The following MPDZ variants were observed in gnomAD, a reference collection of about 807,000 sequenced individuals.
MPDZ encodes multiple PDZ domain crumbs cell polarity complex component, also known as multiple PDZ domain protein.
MPDZ carries 234 observed loss-of-function variants against 239.1 expected under a neutral mutation model. The ratio of observed to expected loss-of-function variants is 0.98; its 90% confidence interval spans 0.88 to 1.09. The LOEUF is 1.09. Among genes scored for constraint, MPDZ ranks in the 50% least tolerant of loss-of-function variants. MPDZ has a pLI of 0.00. For missense variants in MPDZ, 3,175 were observed against 2,510.0 expected (o/e 1.26, Z -5.66); for synonymous variants, 1,048 against 881.3 (o/e 1.19, Z -3.35).
intron 32 of MPDZ, among the ~76,000 whole-genome samples, chr9:13,131,239 C>T (rs1945955533): frequency 6.6e-6 from 1 of 152,188 alleles, no homozygotes; most frequent in East Asian, 1.9e-4. Context: ...TAATATGTCA[C>T]TCAACATCAT....
At chr9:13,265,920 C>A (rs1488532864) in intron 1 of MPDZ, among the ~76,000 whole-genome samples, 1 of 152,122 alleles carries the variant, frequency 6.6e-6, no homozygotes, top group Non-Finnish European at 1.5e-5. Context: ...CTTCAACATA[C>A]CTCCCCATCC....
Position 13,119,548 on chromosome 9 carries a change from T to C in MPDZ, c.5333A>G (p.Glu1778Gly). Residue 1778 changes from glutamate (E) to glycine (G), a missense_variant, in exon 39 of 47, where the codon GAA (glutamate) becomes GGA (glycine). Coordinates refer to ENST00000319217, the MANE Select transcript of MPDZ (RefSeq NM_001378778.1). ...QGDQILMVNGEDVRNATQEAV... is the reference protein window; with the variant it reads ...QGDQILMVNGGDVRNATQEAV... ...TTCTTGGGTGGCATTACGAACGTCTTCCCCATTCACCATTAATATCTGGTC... is the reference window on the plus strand; with the variant it reads ...TTCTTGGGTGGCATTACGAACGTCTCCCCCATTCACCATTAATATCTGGTC... 1 of 1,613,706 alleles carries C rather than the reference T, an allele frequency of 6.2e-7. No individual in the cohort carries two copies. Among genetic ancestry groups the C allele is most frequent in the Non-Finnish European group, 8.5e-7 (1 of 1,179,780 alleles).
At position 13,135,956 on chromosome 9, in the gene MPDZ, T is replaced by C. The variant is rs1443055473; in HGVS notation, c.4383+136A>G. On this transcript the variant is annotated intron_variant, in intron 31 of 46. Transcript: ENST00000319217. ...ATGAGTGTCTTCTTATACTAGGATG[T>C]ACACTCCTTGAAGGCCAAGGCTATA... The C allele has an allele frequency of 1.2e-5, 7 of 599,258 alleles. No individual in the cohort carries two copies. In the East Asian group the frequency reaches 2.0e-4, roughly 17 times the overall value. The allele number at this position is 599,258 out of a possible 1,614,324, so 37.1% of individuals were successfully genotyped here.
Position 13,219,614 on chromosome 9 carries a change from G to T in MPDZ, c.1031C>A (p.Pro344His). 6.2e-7 allele frequency: 1 copy of T among 1,612,268 alleles called. No homozygotes were observed. Among genetic ancestry groups the T allele is most frequent in the Non-Finnish European group, 8.5e-7 (1 of 1,179,044 alleles). The change falls in exon 8 of 47, where the codon CCC becomes CAC. Residue 344 changes from proline (P) to histidine (H), a missense_variant. Coordinates refer to ENST00000319217, the MANE Select transcript of MPDZ (RefSeq NM_001378778.1). ...ARGAIEERTAPTALGITLSSS... is the reference protein window; with the variant it reads ...ARGAIEERTAHTALGITLSSS... ...GGAGAGGGTGATGCCCAAAGCAGTG[G>T]GTGCTGTACGTTCTTCTATGGCACC...
At position 13,136,320 on chromosome 9, in the gene MPDZ, G is replaced by GTTTTTT. The variant is rs1444109820; in HGVS notation, c.4293-139_4293-138insAAAAAA. 4.9e-3 allele frequency: 948 copies of GTTTTTT among 194,376 alleles called. 47 individuals carry two copies. The highest frequency in any genetic ancestry group is 0.018 in the African/African-American group (275 of 15,094). The allele number at this position is 194,376 out of a possible 1,614,324, so 12.0% of individuals were successfully genotyped here. On this transcript the variant is annotated intron_variant, in intron 30 of 46. Transcript: ENST00000319217. ...CTGTGACACTTACAAATTTACAAACGTTTTCTTTTTTTTTTTTTTTTTTTT... is the reference window on the plus strand; with the variant it reads ...CTGTGACACTTACAAATTTACAAACGTTTTTTTTTTCTTTTTTTTTTTTTTTTTTTT...
At position 13,123,216 on chromosome 9, in the gene MPDZ, G is replaced by C; in HGVS notation, c.4890C>G (p.Ile1630Met). ...GCCCTGTTCGCCCTTTGGAAATCTC[G>C]ATGGTTGTTTCGCAGCCAGGGATAA... ...CPIIPGCETT[I>M]EISKGRTGLG... Residue 1630 changes from isoleucine to methionine, a missense_variant, in exon 36 of 47, where the codon ATC (isoleucine) becomes ATG (methionine). Ile to Met is a conservative substitution (Grantham distance 10). Transcript: ENST00000319217. 1 of 1,613,570 alleles carries C rather than the reference G, an allele frequency of 6.2e-7. No individual in the cohort carries two copies. Among genetic ancestry groups the C allele is most frequent in the Non-Finnish European group, 8.5e-7 (1 of 1,179,822 alleles).
chr9:13,214,293 T>C (rs145176242), intron 10 of MPDZ, among the ~76,000 whole-genome samples: 2 of 151,998 alleles, frequency 1.3e-5, no homozygotes, highest in Non-Finnish European at 2.9e-5. Context: ...CTTGAAAGCA[T>C]TATGCTAAGT....
At chr9:13,147,711 A>C (rs1948627198) in intron 25 of MPDZ, 53 bp from the exon 26 acceptor site, 2 of 1,388,192 alleles carry the variant, frequency 1.4e-6, no homozygotes, top group African/African-American at 1.4e-5. Context: ...AACAACAAAA[A>C]AATGTGTGGA....
intron 40 of MPDZ, 92 bp downstream of exon 40, chr9:13,115,156 C>CAG: frequency 9.3e-7 from 1 of 1,077,146 alleles, no homozygotes; most frequent in Non-Finnish European, 1.4e-6. Context: ...GCCAGGGGAC[C>CAG]AGACCTTGTA....
chr9:13,277,422 G>T (rs1330653581), intron 1 of MPDZ, among the ~76,000 whole-genome samples: 1 of 152,144 alleles, frequency 6.6e-6, no homozygotes, highest in African/African-American at 2.4e-5. Context: ...AGATAGGGAA[G>T]AAGAACGGAG....
chr9:13,134,920 G>C (rs531068933), intron 31 of MPDZ: 2 of 152,490 alleles, frequency 1.3e-5, no homozygotes, highest in South Asian at 4.1e-4. Context: ...TGATCTCTTG[G>C]TTAGCCTTCC....
At chr9:13,173,241 T>C (rs976866515) in intron 21 of MPDZ, among the ~76,000 whole-genome samples, 4 of 152,128 alleles carry the variant, frequency 2.6e-5, no homozygotes, top group African/African-American at 9.7e-5. Context: ...GCCACAGAAA[T>C]GTACTCTTAA....
At chr9:13,114,947 G>A (rs1323922663) in intron 40 of MPDZ, among the ~76,000 whole-genome samples, 1 of 151,998 alleles carries the variant, frequency 6.6e-6, no homozygotes, top group Non-Finnish European at 1.5e-5. Context: ...TAAAAAATTT[G>A]TTATCTTGGT....
At chr9:13,133,610 GGC>G (rs1389840682) in intron 32 of MPDZ, among the ~76,000 whole-genome samples, 2 of 152,174 alleles carry the variant, frequency 1.3e-5, no homozygotes, top group Non-Finnish European at 2.9e-5. Flanking sequence ...ACGTGCATCA[GGC>G]GGGTCTAATA....
Position 13,224,588 on chromosome 9 carries a change from G to C in MPDZ, c.184-5C>G, listed in dbSNP as rs1959928814. On this transcript the variant is annotated splice_polypyrimidine_tract_variant and splice_region_variant and intron_variant, in intron 3 of 46. Coordinates refer to ENST00000319217, the MANE Select transcript of MPDZ (RefSeq NM_001378778.1). ...TGCTGAAGTTGCAATATTTACCTAA[G>C]AGTAATGCAGGGATTATTAAGAATT... 4.4e-6 allele frequency: 7 copies of C among 1,576,296 alleles called. No homozygotes were observed. Among genetic ancestry groups the C allele is most frequent in the Non-Finnish European group, 6.1e-6 (7 of 1,151,262 alleles).
intron 1 of MPDZ, chr9:13,276,602 G>C (rs1455024491): frequency 3.3e-5 from 5 of 152,198 alleles, no homozygotes; most frequent in African/African-American, 1.2e-4. Context: ...TCACCAGGAA[G>C]TTGTCTGCTT....
chr9:13,269,862 T>C (rs1042023958), intron 1 of MPDZ, among the ~76,000 whole-genome samples: 5 of 152,132 alleles, frequency 3.3e-5, no homozygotes, highest in African/African-American at 9.7e-5. Context: ...TAAGGGAAAA[T>C]TGCATGAAGA....
chr9:13,256,413 G>A (rs977425401), intron 1 of MPDZ, among the ~76,000 whole-genome samples: 1 of 152,174 alleles, frequency 6.6e-6, no homozygotes, highest in Non-Finnish European at 1.5e-5. Flanking sequence ...AACACACTTA[G>A]CTTTCAGCCT....
intron 3 of MPDZ, among the ~76,000 whole-genome samples, chr9:13,233,512 C>T (rs759420169): frequency 2.0e-5 from 3 of 151,980 alleles, no homozygotes; most frequent in Non-Finnish European, 4.4e-5. Flanking sequence ...AGGATTAGGA[C>T]TGACTGAAAG....
Sources: allele counts gnomAD v4.1 joint callset (sites outside exome capture counted in the v4.1 genomes callset), GRCh38; gene constraint gnomAD v4.1.1; transcripts MANE v1.5; gene names NCBI Gene and HGNC (gene_info 2026-07-23, HGNC 2026-07-21).